PZP: variants seen among roughly 807,000 people sequenced by gnomAD.
PZP encodes pregnancy zone protein.
A neutral mutation model predicts 179.8 loss-of-function variants in PZP; 150 were observed. That is an observed-to-expected ratio of 0.83 (90% CI 0.73 to 0.96). PZP has a LOEUF of 0.96. Among genes scored for constraint, PZP ranks in the 40% least tolerant of loss-of-function variants. The pLI, the probability that PZP is intolerant of heterozygous loss-of-function variation, is 0.00. For missense variants in PZP, 1,689 were observed against 1,764.0 expected, an observed-to-expected ratio of 0.96 and a Z score of 0.76; for synonymous variants, 624 against 652.3, an observed-to-expected ratio of 0.96 and a Z score of 0.66.
In PZP at chr12:9,192,723, G is replaced by T. The variant is rs760199220; in HGVS notation, c.1271C>A (p.Pro424His). 5 of 1,610,478 alleles carry T rather than the reference G, an allele frequency of 3.1e-6. No individual in the cohort carries two copies. Among genetic ancestry groups the T allele is most frequent in the Non-Finnish European group, 4.2e-6 (5 of 1,176,880 alleles). ...KLFVRVFTVH[P>H]NLCFHYSWVA... is the part of the protein sequence containing the mutation. ...CCATGAATAGTGAAAACACAAGTTG[G>T]GATGCACAGTGAAAACCTGAGTAAA... The change falls in exon 12 of 36, where the codon CCC (proline) becomes CAC (histidine). Residue 424 changes from proline (P) to histidine (H), a missense_variant. By Grantham distance (77) the Pro-to-His change is moderately conservative. Transcript: ENST00000261336.
chr12:9,165,545 C>T (rs1458317879), intron 18 of PZP, among the ~76,000 whole-genome samples, 178 bp from the exon 19 acceptor site: 1 of 152,144 alleles, frequency 6.6e-6, no homozygotes, highest in Admixed American at 6.5e-5. Flanking sequence ...AAATGAAAGC[C>T]ACTGAATGGT....
chr12:9,200,398 T>C lies in PZP; in HGVS notation c.721A>G (p.Met241Val), dbSNP rs1944087125. ...KVQVPKIISI[M>V]DEKVNITVCG... ...ACTGTTATGTTCACTTTTTCATCCA[T>C]GATACTGATTATCTTTGGCACCTGA... Residue 241 changes from methionine (M) to valine (V), a missense_variant, in exon 7 of 36, where the codon ATG (methionine) becomes GTG (valine). This residue lies in a region of PZP where 742 missense variants were observed against 730.5 expected (regional missense o/e 1.02). Coordinates refer to ENST00000261336, the MANE Select transcript of PZP (RefSeq NM_002864.3). 2 of 1,611,096 alleles carry C rather than the reference T, an allele frequency of 1.2e-6. No individual in the cohort carries two copies. Among genetic ancestry groups the C allele is most frequent in the South Asian group, 1.1e-5 (1 of 91,018 alleles).
In PZP at chr12:9,157,359, T is replaced by A; in HGVS notation, c.3370-4A>T. ...GGGCATTGCGAACAATAGGGTTCTG[T>A]AAAGGCAAAATGTGGTTGTGTCAAA... On this transcript the variant is annotated splice_region_variant and splice_polypyrimidine_tract_variant and intron_variant, in intron 27 of 35. Coordinates refer to ENST00000261336, the MANE Select transcript of PZP (RefSeq NM_002864.3). 1.2e-6 allele frequency: 2 copies of A among 1,608,990 alleles called. No individual in the cohort carries two copies. Among genetic ancestry groups the A allele is most frequent in the Non-Finnish European group, 1.7e-6 (2 of 1,177,162 alleles).
At chr12:9,184,166 C>T (rs537109173) in intron 13 of PZP, among the ~76,000 whole-genome samples, 19 of 152,196 alleles carry the variant, frequency 1.2e-4, no homozygotes, top group Non-Finnish European at 2.5e-4. Context: ...CTTGCCACTG[C>T]TGGCAGCGTG....
At chr12:9,174,225 A>C (rs2120875384) in intron 15 of PZP, among the ~76,000 whole-genome samples, 1 of 152,290 alleles carries the variant, frequency 6.6e-6, no homozygotes, top group African/African-American at 2.4e-5. Context: ...AAAGACAAAA[A>C]CCACATGGTT....
rs765807365 is a variant in PZP, at chr12:9,181,948, C to T, written c.1689+27G>A. ...ACCTACAGTATCATTTATTTGTGTT[C>T]TTTTAATTTTATGTTAAATCGCTCA... On this transcript the variant is annotated intron_variant, in intron 14 of 35. Transcript: ENST00000261336. The T allele has an allele frequency of 2.5e-6, 4 of 1,607,840 alleles. No individual in the cohort carries two copies. In the Admixed American group the frequency reaches 6.8e-5, roughly 27 times the overall value.
At chr12:9,153,048 G>C (rs1940481237) in intron 30 of PZP, 77 bp downstream of exon 30, 3 of 1,604,228 alleles carry the variant, frequency 1.9e-6, no homozygotes, top group Non-Finnish European at 2.6e-6. Flanking sequence ...TACTTTCCCA[G>C]GAAGGAAGGA....
chr12:9,189,331 C>G lies in PZP; in HGVS notation c.1546+2862G>C, dbSNP rs554465462. On this transcript the variant is annotated intron_variant, in intron 13 of 35. Coordinates refer to ENST00000261336, the MANE Select transcript of PZP (RefSeq NM_002864.3). ...AATCAATGGGACAGAATGCAGAGAC[C>G]ATAAATAATGCTGCACACCCACAAC... is the stretch of plus-strand genomic sequence containing the variant. 1.2e-3 allele frequency among the ~76,000 whole-genome samples: 184 copies of G among 152,186 alleles called. No homozygotes were observed. In the Middle Eastern group the frequency reaches 0.014, roughly 11 times the overall value.
downstream of PZP, among the ~76,000 whole-genome samples, chr12:9,144,939 G>C (rs772632338): frequency 2.6e-5 from 4 of 152,276 alleles, no homozygotes; most frequent in South Asian, 8.3e-4. Flanking sequence ...TTGATTAAGG[G>C]GAACTTTAAA....
chr12:9,152,309 AACTGTAGTGTC>A lies in PZP; in HGVS notation c.4122-10_4122del. Reference sequence around the variant, plus strand: ...TTGGAAGCAGGACGGTTTCCTGTGTAACTGTAGTGTCAAAGGAAAAAGAATTTAGGGTTTTA... The same window carrying A: ...TTGGAAGCAGGACGGTTTCCTGTGTAAAAGGAAAAAGAATTTAGGGTTTTA... On this transcript the variant is annotated splice_acceptor_variant and splice_polypyrimidine_tract_variant and coding_sequence_variant and intron_variant, in exon 32 of 36. Transcript: ENST00000261336. LOFTEE classifies it high-confidence loss of function. 1 of 1,609,370 alleles carries A rather than the reference AACTGTAGTGTC, an allele frequency of 6.2e-7. No individual in the cohort carries two copies. Among genetic ancestry groups the A allele is most frequent in the Non-Finnish European group, 8.5e-7 (1 of 1,175,762 alleles).
chr12:9,172,472 C>A (rs1007347927), intron 15 of PZP, among the ~76,000 whole-genome samples: 11 of 152,262 alleles, frequency 7.2e-5, no homozygotes, highest in South Asian at 6.2e-4. Flanking sequence ...GGATCTAATT[C>A]ACCCATAAAA....
the PZP span, among the ~76,000 whole-genome samples, chr12:9,141,547 A>G: frequency 1.0e-3 from 152 of 152,322 alleles, 2 homozygotes; most frequent in Admixed American, 8.8e-3. Flanking sequence ...ATACTTCTTC[A>G]ACTTTAGCCA....
At position 9,163,146 on chromosome 12, in the gene PZP, G is replaced by A. The variant is rs150923925; in HGVS notation, c.2737-498C>T. ...TAAATCAAAGCTAATGGGTATGAGA[G>A]ATATGTGAATCTTAGGAGAGAGGTG... is the stretch of plus-strand genomic sequence containing the variant. On this transcript the variant is annotated intron_variant, in intron 21 of 35. Coordinates refer to ENST00000261336, the MANE Select transcript of PZP (RefSeq NM_002864.3). Among the ~76,000 whole-genome samples, 4 of 152,182 alleles carry A rather than the reference G, an allele frequency of 2.6e-5. No individual in the cohort carries two copies. In the East Asian group the frequency reaches 5.8e-4, roughly 22 times the overall value.
At chr12:9,162,576 A>C in intron 22 of PZP, 21 bp downstream of exon 22, 4 of 1,539,534 alleles carry the variant, frequency 2.6e-6, no homozygotes, top group Non-Finnish European at 3.6e-6. Context: ...TCTCACTATG[A>C]TTATGAAGAT....
At chr12:9,160,106 C>A (rs1023066761) in intron 24 of PZP, 81 bp from the exon 25 acceptor site, 1 of 1,344,370 alleles carries the variant, frequency 7.4e-7, no homozygotes, top group Non-Finnish European at 1.1e-6. Context: ...TGCATCCAGG[C>A]GCCATGGACA....
intron 25 of PZP, among the ~76,000 whole-genome samples, chr12:9,159,372 C>T (rs74060491): frequency 1.3e-5 from 2 of 152,258 alleles, no homozygotes; most frequent in Non-Finnish European, 2.9e-5. Flanking sequence ...GCTAATAACT[C>T]TCACTTCCCA....
At chr12:9,197,448 TTAA>T (rs1943848150) in intron 7 of PZP, among the ~76,000 whole-genome samples, 1 of 133,986 alleles carries the variant, frequency 7.5e-6, no homozygotes, top group Admixed American at 8.3e-5. Context: ...GGAGTACTGC[TTAA>T]TAATATATAA....
chr12:9,192,169 A>G, intron 13 of PZP, 24 bp downstream of exon 13: 2 of 1,599,996 alleles, frequency 1.3e-6, no homozygotes, highest in Non-Finnish European at 1.7e-6. Flanking sequence ...GGGAGCAAGG[A>G]GAGATGAATC....
At chr12:9,182,526 T>C (rs1942835906) in intron 13 of PZP, among the ~76,000 whole-genome samples, 1 of 152,238 alleles carries the variant, frequency 6.6e-6, no homozygotes, top group Non-Finnish European at 1.5e-5. Context: ...TTGTCATATA[T>C]GACTTTTAAA....
Sources: allele counts gnomAD v4.1 joint callset (sites outside exome capture counted in the v4.1 genomes callset), GRCh38; gene constraint gnomAD v4.1.1; regional missense constraint gnomAD v4.1.1; transcripts MANE v1.5; gene names NCBI Gene and HGNC (gene_info 2026-07-23, HGNC 2026-07-21).